GPC6: variants seen among roughly 807,000 people sequenced by gnomAD.
The protein encoded by GPC6 is glypican-6.
A neutral mutation model predicts 55.2 loss-of-function variants in GPC6; 14 were observed. The ratio of observed to expected loss-of-function variants is 0.25; its 90% CI spans 0.17 to 0.40. The LOEUF (loss-of-function observed/expected upper bound fraction) is 0.40, where lower values mean the gene tolerates loss of function less well. GPC6 is among the 10% of genes least tolerant of loss of function. The pLI is 1.00. For missense variants in GPC6, 641 were observed against 708.5 expected (o/e 0.90, Z 1.08); for synonymous variants, 278 against 259.6 (o/e 1.07, Z -0.68).
chr13:93,300,321 G>A (rs1023496626), intron 1 of GPC6, among the ~76,000 whole-genome samples: 4 of 152,046 alleles, frequency 2.6e-5, no homozygotes, highest in Non-Finnish European at 4.4e-5. Flanking sequence ...TTTATTATTC[G>A]TAAATTCAGC....
intron 2 of GPC6, among the ~76,000 whole-genome samples, chr13:93,741,487 T>C (rs953618700): frequency 6.6e-6 from 1 of 152,160 alleles, no homozygotes; most frequent in Non-Finnish European, 1.5e-5. Context: ...TGTTAGAATG[T>C]GGTCTCCTGT....
At chr13:93,832,096 A>AAAAAAAG (rs1422474508) in intron 3 of GPC6, among the ~76,000 whole-genome samples, 3 of 48,864 alleles carry the variant, frequency 6.1e-5, no homozygotes, top group African/African-American at 3.2e-4. Flanking sequence ...ACTCAAAAAA[A>AAAAAAAG]AAAAAAAAAA....
rs561538830 is a variant in GPC6, at chr13:94,016,888, G to A, written c.712-10841G>A. ...TCGCTCTTTTTGCCCAGGCAGGAGT[G>A]CAATGGTGCGATCTCAGCTCACTGC... On this transcript the variant is annotated intron_variant, in intron 3 of 8. Coordinates refer to ENST00000377047, the MANE Select transcript of GPC6 (RefSeq NM_005708.5). Among the ~76,000 whole-genome samples, 379 of 151,296 alleles carry A rather than the reference G, an allele frequency of 2.5e-3. 1 individual carries two copies. The highest frequency in any genetic ancestry group is 8.9e-3 in the African/African-American group (365 of 41,210).
chr13:93,589,056 C>T (rs1877341627), intron 2 of GPC6, among the ~76,000 whole-genome samples: 1 of 152,076 alleles, frequency 6.6e-6, no homozygotes, highest in South Asian at 2.1e-4. Flanking sequence ...AAACTCCTGC[C>T]AAGTAGTTTG....
At chr13:94,102,421 C>T (rs769152508) in intron 4 of GPC6, among the ~76,000 whole-genome samples, 7 of 152,024 alleles carry the variant, frequency 4.6e-5, no homozygotes, top group Non-Finnish European at 1.0e-4. Flanking sequence ...AAGACCTTCC[C>T]CCAAACCCAC....
In GPC6 at chr13:94,306,052, A is replaced by T. The variant is rs1175334993; in HGVS notation, c.1081A>T (p.Asn361Tyr). The change falls in exon 6 of 9, where the codon AAT becomes TAT. Residue 361 changes from asparagine to tyrosine, a missense_variant. By Grantham distance (143) the Asn-to-Tyr change is moderately radical (BLOSUM62 -2). Coordinates refer to ENST00000377047, the MANE Select transcript of GPC6 (RefSeq NM_005708.5). ...RSARSAPENF[N>Y]TRFRPYNPEE... Reference sequence around the variant, plus strand: ...TGCCCGCTCAGCTCCTGAAAATTTTAATACACGTTTCAGGCCCTACAATCC... The same window carrying T: ...TGCCCGCTCAGCTCCTGAAAATTTTTATACACGTTTCAGGCCCTACAATCC... 1 of 1,614,052 alleles carries T rather than the reference A, an allele frequency of 6.2e-7. No homozygotes were observed. The highest frequency in any genetic ancestry group is 8.5e-7 in the Non-Finnish European group (1 of 1,180,016).
At chr13:93,426,799 T>C (rs1266222217) in intron 1 of GPC6, among the ~76,000 whole-genome samples, 35 of 151,172 alleles carry the variant, frequency 2.3e-4, no homozygotes, top group African/African-American at 7.4e-4. Flanking sequence ...TCTAGATCCC[T>C]GAGGAATCGC....
chr13:93,790,532 T>C (rs1354278710), intron 2 of GPC6, among the ~76,000 whole-genome samples: 1 of 152,202 alleles, frequency 6.6e-6, no homozygotes, highest in Non-Finnish European at 1.5e-5. Flanking sequence ...ACCAATTCTC[T>C]CTTTTGAGTT....
intron 7 of GPC6, among the ~76,000 whole-genome samples, chr13:94,388,856 A>C (rs565269104): frequency 1.3e-5 from 2 of 152,136 alleles, no homozygotes; most frequent in Non-Finnish European, 2.9e-5. Flanking sequence ...CAAAGGCCCT[A>C]TCTCCAGGTA....
chr13:93,590,265 A>G (rs1031038334), intron 2 of GPC6, among the ~76,000 whole-genome samples: 4 of 152,154 alleles, frequency 2.6e-5, no homozygotes, highest in Non-Finnish European at 5.9e-5. Context: ...GTAATACCCA[A>G]GGTGTTAGTA....
chr13:93,567,903 C>T (rs144407636), intron 2 of GPC6, among the ~76,000 whole-genome samples: 265 of 152,212 alleles, frequency 1.7e-3, no homozygotes, highest in African/African-American at 6.1e-3. Flanking sequence ...TACATAGACT[C>T]ATTGTTCCTT....
At chr13:94,153,732 C>T (rs552317181) in intron 4 of GPC6, among the ~76,000 whole-genome samples, 42 of 152,176 alleles carry the variant, frequency 2.8e-4, no homozygotes, top group Non-Finnish European at 5.1e-4. Context: ...GGCCCACAAA[C>T]TAGCAGCATC....
intron 1 of GPC6, among the ~76,000 whole-genome samples, chr13:93,388,951 T>C (rs905323909): frequency 5.9e-5 from 9 of 152,134 alleles, no homozygotes; most frequent in African/African-American, 2.2e-4. Context: ...TCATACCTCA[T>C]TTCTTTCCCC....
At chr13:93,624,659 A>G (rs1879126486) in intron 2 of GPC6, among the ~76,000 whole-genome samples, 1 of 152,224 alleles carries the variant, frequency 6.6e-6, no homozygotes, top group African/African-American at 2.4e-5. Flanking sequence ...AAAATAAATT[A>G]TGGTAATGGG....
At chr13:93,688,197 T>C (rs1882119808) in intron 2 of GPC6, among the ~76,000 whole-genome samples, 1 of 151,778 alleles carries the variant, frequency 6.6e-6, no homozygotes, top group Non-Finnish European at 1.5e-5. Flanking sequence ...TAAGATAGAG[T>C]GTGGGGTGGC....
At chr13:93,860,236 G>A (rs1293224403) in intron 3 of GPC6, among the ~76,000 whole-genome samples, 3 of 151,660 alleles carry the variant, frequency 2.0e-5, no homozygotes, top group Non-Finnish European at 4.4e-5. Context: ...TTTGTGCTTG[G>A]TGTGTGTGGC....
intron 3 of GPC6, among the ~76,000 whole-genome samples, chr13:94,027,096 A>G (rs1188341179): frequency 6.6e-6 from 1 of 152,166 alleles, no homozygotes; most frequent in African/African-American, 2.4e-5. Flanking sequence ...TCCAGGGCAA[A>G]TAGGATTTCA....
intron 4 of GPC6, among the ~76,000 whole-genome samples, chr13:94,183,960 C>T (rs1277049018): frequency 6.6e-6 from 1 of 152,152 alleles, no homozygotes; most frequent in Non-Finnish European, 1.5e-5. Flanking sequence ...ACTTACAACT[C>T]TCTGAACATC....
At chr13:94,272,398 G>C (rs1334475829) in intron 4 of GPC6, among the ~76,000 whole-genome samples, 1 of 145,976 alleles carries the variant, frequency 6.9e-6, no homozygotes, top group Non-Finnish European at 1.5e-5. Flanking sequence ...GACTTTTGTA[G>C]TTCAATGACA....
Sources: allele counts gnomAD v4.1 joint callset (sites outside exome capture counted in the v4.1 genomes callset), GRCh38; gene constraint gnomAD v4.1.1; transcripts MANE v1.5; gene names NCBI Gene and HGNC (gene_info 2026-07-23, HGNC 2026-07-21).